The following SYNPO2 variants were observed in gnomAD, a reference collection of about 807,000 sequenced individuals.
SYNPO2 encodes synaptopodin-2.
In SYNPO2, 56 loss-of-function variants were observed where a neutral mutation model predicts 85.0. The ratio of observed to expected loss-of-function variants is 0.66; its 90% CI spans 0.53 to 0.82. The LOEUF (loss-of-function observed/expected upper bound fraction) is 0.82, where lower values mean the gene tolerates loss of function less well. Ranked by LOEUF, SYNPO2 falls within the 40% of genes least tolerant of loss-of-function variation. The pLI, the probability that SYNPO2 is intolerant of heterozygous loss-of-function variation, is 0.00. For missense variants in SYNPO2, 1,575 were observed against 1,534.2 expected, an observed-to-expected ratio of 1.03 and a Z score of -0.44; for synonymous variants, 602 against 591.1, an observed-to-expected ratio of 1.02 and a Z score of -0.27.
At chr4:118,939,807 CCT>C (rs1324264381) in intron 1 of SYNPO2, among the ~76,000 whole-genome samples, 7 of 152,070 alleles carry the variant, frequency 4.6e-5, no homozygotes, top group African/African-American at 1.7e-4. Context: ...GCCTGACTTC[CCT>C]AATAGAGTTA....
chr4:119,043,932 C>A (rs1434913596), intron 4 of SYNPO2: 2 of 73,152 alleles, frequency 2.7e-5, no homozygotes, highest in Non-Finnish European at 5.2e-5. Context: ...AGACAGACTC[C>A]GTCTCAAAAA....
chr4:119,009,474 C>T lies in SYNPO2; in HGVS notation c.106-13956C>T, dbSNP rs536217758. Among the ~76,000 whole-genome samples the T allele has an allele frequency of 8.0e-4, 122 of 152,154 alleles. 1 individual carries two copies. The highest frequency in any genetic ancestry group is 2.8e-3 in the African/African-American group (117 of 41,504). On this transcript the variant is annotated intron_variant, in intron 1 of 4. Transcript: ENST00000307142. The stretch of plus-strand genomic sequence containing the variant: ...CTCAATAGAGTTAATAATATGGTTC[C>T]TTGTAGGAAAGTCACTCAGGCACTC...
In SYNPO2 at chr4:118,930,412, T is replaced by C. The variant is rs1478770156; in HGVS notation, c.105+41271T>C. On this transcript the variant is annotated intron_variant, in intron 1 of 4. Transcript: ENST00000307142. ...TTAAACTGTGTGGTGCATACTTCTG[T>C]ATAGCATTTGCATATTGTATGGGAA... is the stretch of plus-strand genomic sequence containing the variant. Among the ~76,000 whole-genome samples the C allele has an allele frequency of 2.6e-5, 4 of 152,216 alleles. No individual in the cohort carries two copies. The South Asian group carries it at 6.2e-4, about 24-fold the overall frequency.
At position 119,057,522 on chromosome 4, in the gene SYNPO2, C is replaced by A. The variant is rs761304513; in HGVS notation, c.3374C>A (p.Ala1125Glu). ...AAACCAACCGATGGACTAGAGAAAG[C>A]AAACAAGAGACCAACTCCTTGGGAA... ...SSKPTDGLEK[A>E]NKRPTPWEAA... The change falls in exon 5 of 5, where the codon GCA becomes GAA. Residue 1125 changes from alanine to glutamate, a missense_variant. Ala to Glu is a moderately radical substitution (Grantham distance 107, BLOSUM62 -1). Transcript: ENST00000307142. 6.8e-6 allele frequency: 11 copies of A among 1,613,960 alleles called. No homozygotes were observed. Among genetic ancestry groups the A allele is most frequent in the Non-Finnish European group, 9.3e-6 (11 of 1,180,030 alleles).
intron 1 of SYNPO2, among the ~76,000 whole-genome samples, chr4:118,971,761 T>C (rs866991921): frequency 1.3e-5 from 2 of 152,284 alleles, no homozygotes; most frequent in South Asian, 2.1e-4. Context: ...GTAACCATGG[T>C]CTCTGAAAAA....
chr4:119,020,185 A>G (rs1737665611), intron 1 of SYNPO2, among the ~76,000 whole-genome samples: 1 of 152,170 alleles, frequency 6.6e-6, no homozygotes, highest in South Asian at 2.1e-4. Flanking sequence ...AGTCCTTCAG[A>G]AAAACTTAAG....
At chr4:118,874,223 T>C (rs1010448066) in intron 1 of SYNPO2, among the ~76,000 whole-genome samples, 6 of 152,232 alleles carry the variant, frequency 3.9e-5, no homozygotes, top group Admixed American at 3.9e-4. Flanking sequence ...ATGTAAATGT[T>C]ATTTATGTTT....
At chr4:119,033,741 A>G (rs753551758) in intron 4 of SYNPO2, 118 of 985,086 alleles carry the variant, frequency 1.2e-4, no homozygotes, top group Non-Finnish European at 1.1e-4. Flanking sequence ...TATCTGTTCA[A>G]TGTCCATATT....
At chr4:119,051,188 T>TTTTTG (rs1561030301) in intron 4 of SYNPO2, among the ~76,000 whole-genome samples, 49 of 2,976 alleles carry the variant, frequency 0.016, no homozygotes, top group African/African-American at 0.057. Context: ...GGGAAGCAAT[T>TTTTTG]TTTTTTTTTT....
At chr4:118,964,922 C>G (rs1735254360) in intron 1 of SYNPO2, among the ~76,000 whole-genome samples, 1 of 152,120 alleles carries the variant, frequency 6.6e-6, no homozygotes, top group South Asian at 2.1e-4. Context: ...CCTCCTGGCT[C>G]GTTGAGATCT....
intron 1 of SYNPO2, among the ~76,000 whole-genome samples, chr4:118,871,601 C>T (rs1487659169): frequency 7.1e-6 from 1 of 140,228 alleles, no homozygotes; most frequent in Admixed American, 7.6e-5. Flanking sequence ...CAGTGTCTTG[C>T]TCTGTCACCC....
In SYNPO2 at chr4:118,976,493, G is replaced by A. The variant is rs1055330883; in HGVS notation, c.106-46937G>A. On this transcript the variant is annotated intron_variant, in intron 1 of 4. Coordinates refer to ENST00000307142, the MANE Select transcript of SYNPO2 (RefSeq NM_133477.3). ...CTAGCGGGTTGCCAATGCTGGCTAG[G>A]GCAGCCTGCTTTTATTCTCTTATCT... Among the ~76,000 whole-genome samples, 75 of 152,154 alleles carry A rather than the reference G, an allele frequency of 4.9e-4. 4 individuals carry two copies. The highest frequency in any genetic ancestry group is 2.0e-4 in the Admixed American group (3 of 15,282).
Position 118,926,887 on chromosome 4 carries a change from C to A in SYNPO2, c.105+37746C>A, listed in dbSNP as rs115432811. ...ACGAGCAGATTCCCTTCTTCCAGAC[C>A]TTTCATCCACAGGGAATGAGAATGC... On this transcript the variant is annotated intron_variant, in intron 1 of 4. Coordinates refer to ENST00000307142, the MANE Select transcript of SYNPO2 (RefSeq NM_133477.3). 5.9e-3 allele frequency among the ~76,000 whole-genome samples: 894 copies of A among 152,268 alleles called. 12 individuals carry two copies. Among genetic ancestry groups the A allele is most frequent in the African/African-American group, 0.02 (852 of 41,566 alleles).
At chr4:118,857,966 A>G (rs971208257) in intron 1 of SYNPO2, among the ~76,000 whole-genome samples, 9 of 152,168 alleles carry the variant, frequency 5.9e-5, no homozygotes, top group Non-Finnish European at 4.4e-5. Flanking sequence ...CTCTTGCTTC[A>G]CTTGCACTTT....
chr4:118,919,803 C>CT (rs757655108), intron 1 of SYNPO2, among the ~76,000 whole-genome samples: 9 of 152,306 alleles, frequency 5.9e-5, no homozygotes, highest in Admixed American at 2.6e-4. Flanking sequence ...GTTAAAGAGA[C>CT]TGAGTACAGG....
chr4:118,921,823 GT>G (rs1207457471), intron 1 of SYNPO2, among the ~76,000 whole-genome samples: 1 of 150,746 alleles, frequency 6.6e-6, no homozygotes, highest in Non-Finnish European at 1.5e-5. Flanking sequence ...TTGACATCTT[GT>G]TTTCATTCTT....
intron 2 of SYNPO2, among the ~76,000 whole-genome samples, 184 bp from the exon 3 acceptor site, chr4:119,026,443 G>A (rs985772491): frequency 6.6e-6 from 1 of 152,110 alleles, no homozygotes; most frequent in African/African-American, 2.4e-5. Flanking sequence ...AGTTTATTTG[G>A]TATCTCTTTA....
intron 1 of SYNPO2, among the ~76,000 whole-genome samples, chr4:118,871,863 C>T (rs1270079689): frequency 6.6e-6 from 1 of 152,234 alleles, no homozygotes; most frequent in Non-Finnish European, 1.5e-5. Flanking sequence ...GCCACCGCAC[C>T]TGGCCTATAA....
At chr4:118,879,003 G>A (rs1012279480) in intron 1 of SYNPO2, among the ~76,000 whole-genome samples, 9 of 152,100 alleles carry the variant, frequency 5.9e-5, no homozygotes, top group African/African-American at 1.7e-4. Context: ...CCTGAAGTCA[G>A]CGAGACCATG....
Sources: allele counts gnomAD v4.1 joint callset (sites outside exome capture counted in the v4.1 genomes callset), GRCh38; gene constraint gnomAD v4.1.1; transcripts MANE v1.5; gene names NCBI Gene and HGNC (gene_info 2026-07-23, HGNC 2026-07-21).